The following C1orf35 variants were observed in gnomAD, a reference collection of about 807,000 sequenced individuals.
The protein encoded by C1orf35 is chromosome 1 open reading frame 35.
C1orf35 carries 36 observed loss-of-function variants against 30.9 expected under a neutral mutation model. The observed-to-expected ratio is 1.16, with a 90% CI of 0.89 to 1.54. The LOEUF (loss-of-function observed/expected upper bound fraction) is 1.54, where lower values mean the gene tolerates loss of function less well. Ranked by LOEUF, C1orf35 falls within the 40% of genes most tolerant of loss-of-function variation. The pLI is 0.00. For missense variants in C1orf35, 396 were observed against 358.7 expected (o/e 1.10, Z -0.84); for synonymous variants, 179 against 148.2 (o/e 1.21, Z -1.51).
At chr1:228,102,022 C>A in intron 6 of C1orf35, 58 bp downstream of exon 6, 1 of 1,458,780 alleles carries the variant, frequency 6.9e-7, no homozygotes, top group Non-Finnish European at 9.0e-7. Context: ...GGAGCCGCTC[C>A]GGTCCTCCCG....
At chr1:228,102,595 G>T in intron 3 of C1orf35, 35 bp from the exon 4 acceptor site, 1 of 1,582,080 alleles carries the variant, frequency 6.3e-7, no homozygotes, top group Non-Finnish European at 8.6e-7. Flanking sequence ...CGCTCGAGTC[G>T]GCCCCACACC....
In C1orf35 at chr1:228,103,034, G is replaced by A. The variant is rs1290823949; in HGVS notation, c.110C>T (p.Ala37Val). Reference sequence around the variant, plus strand: ...GCCCTTCTGCCAGCGGCCTACCGGCGCCATCAGCGAGTTGCCTGCGGACGT... The same window carrying A: ...GCCCTTCTGCCAGCGGCCTACCGGCACCATCAGCGAGTTGCCTGCGGACGT... ...RENYLGNSLM[A>V]PVGRWQKGRD... The change falls in exon 2 of 8, where the codon GCG (alanine) becomes GTG (valine). Residue 37 changes from alanine to valine, a missense_variant. Ala to Val is a moderately conservative substitution (Grantham distance 64). Coordinates refer to ENST00000272139, the MANE Select transcript of C1orf35 (RefSeq NM_024319.4). 6.3e-7 allele frequency: 1 copy of A among 1,593,784 alleles called. No homozygotes were observed. The highest frequency in any genetic ancestry group is 2.3e-5 in the East Asian group (1 of 43,796).
rs184854491 is a variant in C1orf35 at position 228,102,512 on chromosome 1, C to T, written c.340G>A (p.Gly114Ser). 8.9e-4 allele frequency: 1,394 copies of T among 1,558,876 alleles called. 8 individuals are homozygous for T. The African/African-American group carries it at 0.016, about 18-fold the overall frequency. ...KREGGDPEEK[G>S]VDRLLGLGSA... ...CCCAGCCCCAGCAGCCGGTCCACGC[C>T]CTTCTCCTCGGGGTCGCCTCCTTCC... The change falls in exon 4 of 8, where the codon GGC becomes AGC. Residue 114 changes from glycine to serine, a missense_variant. Coordinates refer to ENST00000272139, the MANE Select transcript of C1orf35 (RefSeq NM_024319.4).
intron 6 of C1orf35, 32 bp downstream of exon 6, chr1:228,102,048 G>A (rs2032980688): frequency 6.6e-7 from 1 of 1,517,554 alleles, no homozygotes; most frequent in Non-Finnish European, 8.8e-7. Context: ...CCCCACCCCG[G>A]GGCACAGCTA....
Position 228,102,681 on chromosome 1 carries a change from T to C in C1orf35, c.253A>G (p.Lys85Glu). The C allele has an allele frequency of 6.2e-7, 1 of 1,607,708 alleles. No homozygotes were observed. Among genetic ancestry groups the C allele is most frequent in the Non-Finnish European group, 8.5e-7 (1 of 1,177,652 alleles). Residue 85 changes from lysine (K) to glutamate (E), a missense_variant, in exon 3 of 8, where the codon AAG becomes GAG. Transcript: ENST00000272139. ...REALLAALGY[K>E]NVKKQPTGLS... Reference sequence around the variant, plus strand: ...CCCGTGGGCTGCTTCTTCACGTTCTTGTAGCCACTGCGAGAGGGCCGGGGC... The same window carrying C: ...CCCGTGGGCTGCTTCTTCACGTTCTCGTAGCCACTGCGAGAGGGCCGGGGC...
intron 6 of C1orf35, 179 bp from the exon 7 acceptor site, chr1:228,101,652 A>G (rs1053905659): frequency 1.4e-6 from 2 of 1,457,760 alleles, no homozygotes; most frequent in Middle Eastern, 2.5e-4. Context: ...TACGTGGGTT[A>G]GAAACAGATG....
Position 228,103,185 on chromosome 1 carries a change from G to A in C1orf35, c.43C>T (p.Gln15Ter). 1 of 1,611,930 alleles carries A rather than the reference G, an allele frequency of 6.2e-7. No homozygotes were observed. The highest frequency in any genetic ancestry group is 8.5e-7 in the Non-Finnish European group (1 of 1,179,522). Residue 15 changes from glutamine to a stop codon, truncating the protein, a stop_gained, in exon 1 of 8, where the codon CAG becomes TAG. Transcript: ENST00000272139. LOFTEE classifies it high-confidence loss of function. ...GTCTTCACGTCCTCCCAGTTGAACT[G>A]GTCCTGCCCGCCGCGCACGCCTCCA... ...SRGGVRGGQD[Q>*]FNWEDVKTDK...
At chr1:228,102,274 TA>T (rs1287881428) in intron 5 of C1orf35, 35 bp downstream of exon 5, 2 of 1,603,096 alleles carry the variant, frequency 1.2e-6, no homozygotes, top group South Asian at 2.2e-5. Flanking sequence ...CCACCCCTGT[TA>T]GCCCCTGCTG....
At position 228,103,052 on chromosome 1, in the gene C1orf35, G is replaced by A; in HGVS notation, c.95-3C>T. The A allele has an allele frequency of 6.3e-7, 1 of 1,599,916 alleles. No individual in the cohort carries two copies. The highest frequency in any genetic ancestry group is 2.3e-5 in the East Asian group (1 of 44,096). On this transcript the variant is annotated splice_polypyrimidine_tract_variant and splice_region_variant and intron_variant, in intron 1 of 7. Transcript: ENST00000272139. Reference sequence around the variant, plus strand: ...TACCGGCGCCATCAGCGAGTTGCCTGCGGACGTAGACGCTGTGAGTCCAGC... The same window carrying A: ...TACCGGCGCCATCAGCGAGTTGCCTACGGACGTAGACGCTGTGAGTCCAGC...
chr1:228,101,627 C>T, intron 6 of C1orf35, 154 bp from the exon 7 acceptor site: 2 of 1,486,958 alleles, frequency 1.3e-6, no homozygotes, highest in Non-Finnish European at 1.8e-6. Context: ...GTTACGTAGT[C>T]ACGTGGCCAG....
chr1:228,101,282 TCGGAAGGAGTCAAC>T, intron 7 of C1orf35, 28 bp from the exon 8 acceptor site: 1 of 1,614,090 alleles, frequency 6.2e-7, no homozygotes, highest in Non-Finnish European at 8.5e-7. Flanking sequence ...AGTCAGTCAC[TCGGAAGGAGTCAAC>T]CAGGCCCCCA....
At position 228,100,988 on chromosome 1, in the gene C1orf35, A is replaced by G; in HGVS notation, c.*143T>C. 1 of 1,238,726 alleles carries G rather than the reference A, an allele frequency of 8.1e-7. No homozygotes were observed. Among genetic ancestry groups the G allele is most frequent in the Non-Finnish European group, 1.1e-6 (1 of 893,124 alleles). 76.7% of individuals were successfully genotyped at this position (1,238,726 alleles called of 1,614,324 possible). A position where few individuals can be genotyped will look rare whatever the true frequency, so the allele number is the denominator to read the frequency against. On this transcript the variant is annotated 3_prime_UTR_variant, in exon 8 of 8. Transcript: ENST00000272139. ...CTCCAGAGCTAGCTGTCAAGTCTTTAGCCCCACAGGCTGGTGCCCAGAGCC... is the reference window on the plus strand; with the variant it reads ...CTCCAGAGCTAGCTGTCAAGTCTTTGGCCCCACAGGCTGGTGCCCAGAGCC...
intron 5 of C1orf35, 65 bp downstream of exon 5, chr1:228,102,245 T>A: frequency 6.4e-7 from 1 of 1,569,548 alleles, no homozygotes; most frequent in South Asian, 1.1e-5. Context: ...GGAGCTCCGT[T>A]CAGTGCCCCC....
Position 228,100,874 on chromosome 1 carries a change from T to C in C1orf35, c.*257A>G. 1.8e-6 allele frequency: 1 copy of C among 554,334 alleles called. No individual in the cohort carries two copies. The highest frequency in any genetic ancestry group is 3.2e-6 in the Non-Finnish European group (1 of 310,280). 34.3% of individuals were successfully genotyped at this position (554,334 alleles called of 1,614,324 possible). ...GACACAGAGGGAGTCCAGCCTCTAC[T>C]GATAAATCTGGGCAGGTTCACCTTC... On this transcript the variant is annotated 3_prime_UTR_variant, in exon 8 of 8. Coordinates refer to ENST00000272139, the MANE Select transcript of C1orf35 (RefSeq NM_024319.4).
chr1:228,102,567 G>A lies in C1orf35; in HGVS notation c.292-7C>T, dbSNP rs766262947. The A allele has an allele frequency of 1.1e-5, 17 of 1,567,948 alleles. No individual in the cohort carries two copies. In the East Asian group the frequency reaches 1.4e-4, roughly 13 times the overall value. ...TGCAGACCTCCGCGAAGTCCTGCAG[G>A]TGCGAGAGCACAGGGAGCGCTCGAG... On this transcript the variant is annotated splice_region_variant and splice_polypyrimidine_tract_variant and intron_variant, in intron 3 of 7. Transcript: ENST00000272139.
intron 5 of C1orf35, 63 bp from the exon 6 acceptor site, chr1:228,102,228 G>A: frequency 1.3e-6 from 2 of 1,564,990 alleles, no homozygotes; most frequent in South Asian, 2.3e-5. Context: ...GCCCCGCAGC[G>A]CCCCGGGGAG....
intron 2 of C1orf35, 96 bp downstream of exon 2, chr1:228,102,803 T>TTGCCCC: frequency 5.9e-6 from 7 of 1,187,472 alleles, no homozygotes; most frequent in Non-Finnish European, 7.9e-6. Context: ...GCAGCCCCGC[T>TTGCCCC]CCCGCCCAGC....
intron 3 of C1orf35, 39 bp from the exon 4 acceptor site, chr1:228,102,599 C>A: frequency 6.3e-7 from 1 of 1,583,388 alleles, no homozygotes; most frequent in Non-Finnish European, 8.6e-7. Flanking sequence ...CGAGTCGGCC[C>A]CACACCCACG....
In C1orf35 at chr1:228,103,130, C is replaced by T. The variant is rs1428884585; in HGVS notation, c.94+4G>A. 6.2e-7 allele frequency: 1 copy of T among 1,610,468 alleles called. No individual in the cohort carries two copies. Among genetic ancestry groups the T allele is most frequent in the African/African-American group, 1.3e-5 (1 of 74,700 alleles). ...CCCGGAGCCCGCCCACCGCGCGCAC[C>T]CACCCAGGTAGTTCTCCCGCTGCTT... is the stretch of plus-strand genomic sequence containing the variant. On this transcript the variant is annotated splice_donor_region_variant and intron_variant, in intron 1 of 7. Transcript: ENST00000272139.
Sources: gnomAD v4.1 joint callset for allele counts on GRCh38, gnomAD v4.1.1 for gene constraint, MANE v1.5 for transcripts, NCBI Gene and HGNC (gene_info 2026-07-23, HGNC 2026-07-21) for gene names.